ANKRD28: variants seen among roughly 807,000 people sequenced by gnomAD.
ANKRD28 encodes the protein ankyrin repeat domain 28.
Under a neutral mutation model 126.5 loss-of-function variants are expected in ANKRD28, and 44 were observed. The ratio of observed to expected loss-of-function variants is 0.35; its 90% CI spans 0.27 to 0.45. The LOEUF is 0.45. ANKRD28 is among the 20% of genes least tolerant of loss of function. The pLI is 1.00. For synonymous variants in ANKRD28, 442 were observed against 468.5 expected (o/e 0.94, Z 0.73); for missense variants, 1,110 against 1,316.6 (o/e 0.84, Z 2.43).
intron 5 of ANKRD28, among the ~76,000 whole-genome samples, chr3:15,736,649 A>G (rs1236868685): frequency 6.6e-6 from 1 of 152,260 alleles, no homozygotes; most frequent in Non-Finnish European, 1.5e-5. Context: ...TTCTGTCACT[A>G]AAGTATTATC....
intron 14 of ANKRD28, among the ~76,000 whole-genome samples, chr3:15,699,507 A>G (rs1413334621): frequency 6.6e-6 from 1 of 152,218 alleles, no homozygotes; most frequent in Non-Finnish European, 1.5e-5. Flanking sequence ...ACAAAGGGCT[A>G]ATATCCAGAA....
chr3:15,777,278 AAAAAAAAAAAG>A (rs1236237812), intron 2 of ANKRD28, among the ~76,000 whole-genome samples: 3 of 151,686 alleles, frequency 2.0e-5, no homozygotes, highest in East Asian at 1.9e-4. Flanking sequence ...TCTCAAAAAA[AAAAAAAAAAAG>A]AAAAAAAAGA....
chr3:15,724,325 G>A, intron 7 of ANKRD28, 57 bp downstream of exon 7: 1 of 1,385,932 alleles, frequency 7.2e-7, no homozygotes, highest in Non-Finnish European at 9.8e-7. Flanking sequence ...TGTCAATAAT[G>A]TAATAGTAAG....
chr3:15,713,184 G>C (rs565579577), intron 10 of ANKRD28, among the ~76,000 whole-genome samples: 19 of 151,968 alleles, frequency 1.3e-4, no homozygotes, highest in African/African-American at 4.6e-4. Context: ...GATAGTATTT[G>C]GATTAAAAAA....
At chr3:15,736,980 T>C (rs2125134406) in intron 5 of ANKRD28, 53 bp downstream of exon 5, 3 of 1,558,878 alleles carry the variant, frequency 1.9e-6, no homozygotes, top group Non-Finnish European at 2.6e-6. Flanking sequence ...CTTTAATAAG[T>C]GGGGGGTGGA....
chr3:15,679,841 T>C (rs951096283), intron 21 of ANKRD28, among the ~76,000 whole-genome samples: 2 of 151,874 alleles, frequency 1.3e-5, no homozygotes, highest in African/African-American at 4.8e-5. Context: ...ATTAAAAATA[T>C]TTGGGGGAAA....
chr3:15,777,535 A>G (rs1477380544), intron 2 of ANKRD28, among the ~76,000 whole-genome samples: 1 of 152,102 alleles, frequency 6.6e-6, no homozygotes, highest in Non-Finnish European at 1.5e-5. Flanking sequence ...ACCTTGACCT[A>G]CAGTATTTGT....
Position 15,736,378 on chromosome 3 carries a change from G to T in ANKRD28, c.552+655C>A, listed in dbSNP as rs1178545945. Among the ~76,000 whole-genome samples the T allele has an allele frequency of 2.6e-5, 4 of 152,318 alleles. 1 individual carries two copies. The Middle Eastern group carries it at 0.01, about 389-fold the overall frequency. On this transcript the variant is annotated intron_variant, in intron 5 of 27. Transcript: ENST00000683139. ...GGGGTCCAGGAACATATCCTCTGTA[G>T]ATAAGTGGGAACTACTTTGAAAAAG...
At chr3:15,810,731 G>C (rs1317868581) in intron 1 of ANKRD28, among the ~76,000 whole-genome samples, 4 of 134,930 alleles carry the variant, frequency 3.0e-5, no homozygotes, top group African/African-American at 1.1e-4. Flanking sequence ...AAGTAACATT[G>C]TCCTTAGCCA....
intron 25 of ANKRD28, 65 bp from the exon 26 acceptor site, chr3:15,677,121 C>A: frequency 8.0e-7 from 1 of 1,245,790 alleles, no homozygotes. Flanking sequence ...ATACACCCAA[C>A]AATCTGCAAT....
rs569761948 is a variant in ANKRD28 at position 15,777,849 on chromosome 3, T to TACACACACACACACAC, written c.202-11553_202-11538dup. 2.3e-3 allele frequency among the ~76,000 whole-genome samples: 239 copies of TACACACACACACACAC among 106,184 alleles called. 5 individuals carry two copies. The highest frequency in any genetic ancestry group is 2.8e-3 in the Non-Finnish European group (135 of 48,800). The allele number at this position is 106,184 out of a possible 152,430, so 69.7% of individuals were successfully genotyped here. A position where few individuals can be genotyped will look rare whatever the true frequency, so the allele number is the denominator to read the frequency against. On this transcript the variant is annotated intron_variant, in intron 2 of 27. Coordinates refer to ENST00000683139, the MANE Select transcript of ANKRD28 (RefSeq NM_001349278.2). Reference sequence around the variant, plus strand: ...ACTGCTCCCATCACCAAAACCAAACTACACACACACACACACACACACACA... The same window carrying TACACACACACACACAC: ...ACTGCTCCCATCACCAAAACCAAACTACACACACACACACACACACACACACACACACACACACACA...
At chr3:15,832,730 T>G (rs992155501) in intron 1 of ANKRD28, among the ~76,000 whole-genome samples, 8 of 152,184 alleles carry the variant, frequency 5.3e-5, no homozygotes, top group African/African-American at 1.9e-4. Flanking sequence ...CCAAGTTATT[T>G]CACGGAGGAT....
intron 9 of ANKRD28, among the ~76,000 whole-genome samples, chr3:15,714,283 C>A (rs1653144241): frequency 6.6e-6 from 1 of 151,654 alleles, no homozygotes; most frequent in South Asian, 2.1e-4. Context: ...ATATATAATA[C>A]AAATTATGGT....
rs1379078072 is a variant in ANKRD28 at position 15,797,534 on chromosome 3, C to T, written c.-1013G>A. The T allele has an allele frequency of 5.1e-6, 5 of 983,914 alleles. No individual in the cohort carries two copies. In the South Asian group the frequency reaches 2.4e-4, roughly 46 times the overall value. The allele number at this position is 983,914 out of a possible 1,614,324, so 60.9% of individuals were successfully genotyped here. ...TTAGAAGGCATTTGAGCTCAAATTA[C>T]TGCTTCAGGCTTTTTGTTTTCTTTA... On this transcript the variant is annotated 5_prime_UTR_variant, in exon 1 of 28. Coordinates refer to ENST00000683139, the MANE Select transcript of ANKRD28 (RefSeq NM_001349278.2).
chr3:15,720,378 T>G (rs2124904102), intron 8 of ANKRD28, among the ~76,000 whole-genome samples: 1 of 152,296 alleles, frequency 6.6e-6, no homozygotes. Flanking sequence ...TATTGTAGAT[T>G]CATCTATCCT....
In ANKRD28 at chr3:15,726,347, A is replaced by G. The variant is rs563927943; in HGVS notation, c.641-1823T>C. Among the ~76,000 whole-genome samples the G allele has an allele frequency of 2.0e-5, 3 of 148,572 alleles. No homozygotes were observed. The East Asian group carries it at 8.7e-4, about 43-fold the overall frequency. On this transcript the variant is annotated intron_variant, in intron 6 of 27. Transcript: ENST00000683139. ...TGCAAAAGAAAAATTCTCCAAGAAA[A>G]TTAAATGTGCTACCAGTGAATGGAC...
chr3:15,827,280 G>T (rs908940487), intron 1 of ANKRD28, among the ~76,000 whole-genome samples: 1 of 152,054 alleles, frequency 6.6e-6, no homozygotes, highest in Admixed American at 6.6e-5. Flanking sequence ...ATAACCAAAA[G>T]AAATGAAAGC....
At chr3:15,741,893 C>T (rs9883708) in intron 4 of ANKRD28, among the ~76,000 whole-genome samples, 6,067 of 151,778 alleles carry the variant, frequency 0.04, 382 homozygotes, top group African/African-American at 0.14. Flanking sequence ...CGCGCCACCA[C>T]GCCTGACTGG....
upstream of ANKRD28, among the ~76,000 whole-genome samples, chr3:15,799,458 A>C (rs1383843879): frequency 6.6e-6 from 1 of 152,048 alleles, no homozygotes; most frequent in African/African-American, 2.4e-5. Context: ...AAAACATGCT[A>C]ACAATTCATT....
Sources: allele counts gnomAD v4.1 joint callset (sites outside exome capture counted in the v4.1 genomes callset), GRCh38; gene constraint gnomAD v4.1.1; transcripts MANE v1.5; gene names NCBI Gene and HGNC (gene_info 2026-07-23, HGNC 2026-07-21).